PLD1: variants seen among roughly 807,000 people sequenced by gnomAD.
PLD1 encodes the protein choline phosphatase 1.
Under a neutral mutation model 137.1 loss-of-function variants are expected in PLD1, and 112 were observed. The ratio of observed to expected loss-of-function variants is 0.82; its 90% CI spans 0.70 to 0.96. The LOEUF is 0.96. Among genes scored for constraint, PLD1 ranks in the 40% least tolerant of loss-of-function variants. The pLI is 0.00. For synonymous variants in PLD1, 431 were observed against 454.7 expected, an observed-to-expected ratio of 0.95 and a Z score of 0.66; for missense variants, 1,321 against 1,342.0, an observed-to-expected ratio of 0.98 and a Z score of 0.24.
chr3:171,804,533 C>T (rs1387697149), intron 1 of PLD1, among the ~76,000 whole-genome samples: 1 of 152,186 alleles, frequency 6.6e-6, no homozygotes, highest in Non-Finnish European at 1.5e-5. Context: ...GACAAAAACA[C>T]AGTCTGTGAC....
intron 1 of PLD1, among the ~76,000 whole-genome samples, chr3:171,785,823 A>G (rs945983312): frequency 7.2e-5 from 11 of 152,242 alleles, no homozygotes; most frequent in African/African-American, 2.4e-4. Context: ...GCTAGGGGAC[A>G]ATATACTGGA....
At chr3:171,696,751 G>C (rs1229246695) in intron 12 of PLD1, among the ~76,000 whole-genome samples, 1 of 152,110 alleles carries the variant, frequency 6.6e-6, no homozygotes, top group Non-Finnish European at 1.5e-5. Flanking sequence ...TAATAATATG[G>C]TGGAATGAGA....
chr3:171,747,823 G>A (rs1402424897), intron 1 of PLD1, among the ~76,000 whole-genome samples: 1 of 152,186 alleles, frequency 6.6e-6, no homozygotes, highest in Non-Finnish European at 1.5e-5. Flanking sequence ...AGACAGGTAA[G>A]TGACTGTAAG....
chr3:171,759,720 G>A (rs1721267956), intron 1 of PLD1, among the ~76,000 whole-genome samples: 1 of 152,190 alleles, frequency 6.6e-6, no homozygotes, highest in African/African-American at 2.4e-5. Context: ...GTTTCATGTA[G>A]CATAATCAAA....
intron 23 of PLD1, among the ~76,000 whole-genome samples, chr3:171,635,965 CTTTTTTTTTTTTTTTT>C (rs71178231): frequency 3.2e-4 from 16 of 49,252 alleles, no homozygotes; most frequent in Non-Finnish European, 5.3e-4. Flanking sequence ...GGTTCAACTT[CTTTTTTTTTTTTTTTT>C]TTTTTTTTTT....
intron 1 of PLD1, among the ~76,000 whole-genome samples, chr3:171,805,179 T>C (rs1046630898): frequency 1.3e-5 from 2 of 152,214 alleles, no homozygotes; most frequent in Non-Finnish European, 2.9e-5. Flanking sequence ...TGGCTGGTTT[T>C]CTTTTGTGCG....
In PLD1 at chr3:171,732,311, A is replaced by G. The variant is rs1449317493; in HGVS notation, c.606+1133T>C. Among the ~76,000 whole-genome samples, 6 of 152,182 alleles carry G rather than the reference A, an allele frequency of 3.9e-5. No individual in the cohort carries two copies. The East Asian group carries it at 1.2e-3, about 29-fold the overall frequency. ...CTCTTGAGATCCTCTGGTGCAACCC[A>G]AATTCCTGTTTTCCTGAGAAAACCC... On this transcript the variant is annotated intron_variant, in intron 6 of 26. Coordinates refer to ENST00000351298, the MANE Select transcript of PLD1 (RefSeq NM_002662.5).
rs536287502 is a variant in PLD1, at chr3:171,802,881, G to C, written c.-32+7518C>G. On this transcript the variant is annotated intron_variant, in intron 1 of 26. Transcript: ENST00000351298. ...CAGGGTCCAGCAGCCCAGATGACCTGATTCTAAGCAAGGTACACAGGTGCC... is the reference window on the plus strand; with the variant it reads ...CAGGGTCCAGCAGCCCAGATGACCTCATTCTAAGCAAGGTACACAGGTGCC... Among the ~76,000 whole-genome samples the C allele has an allele frequency of 1.1e-4, 16 of 152,318 alleles. No individual in the cohort carries two copies. In the South Asian group the frequency reaches 2.9e-3, roughly 28 times the overall value.
At chr3:171,643,201 A>G in intron 22 of PLD1, 2 of 256,590 alleles carry the variant, frequency 7.8e-6, no homozygotes, top group South Asian at 6.4e-5. Flanking sequence ...ACTGGGTAAC[A>G]GCAAAGATAA....
At chr3:171,762,806 C>T (rs1167095566) in intron 1 of PLD1, among the ~76,000 whole-genome samples, 1 of 152,106 alleles carries the variant, frequency 6.6e-6, no homozygotes, top group Admixed American at 6.5e-5. Context: ...GCATTTGGTT[C>T]TCCATGTAGA....
chr3:171,635,099 A>C (rs1734997020), intron 23 of PLD1, among the ~76,000 whole-genome samples: 1 of 152,156 alleles, frequency 6.6e-6, no homozygotes. Flanking sequence ...AGTATATGTC[A>C]GTTCATGCCT....
At chr3:171,650,770 C>T (rs944329256) in intron 21 of PLD1, among the ~76,000 whole-genome samples, 2 of 151,908 alleles carry the variant, frequency 1.3e-5, no homozygotes, top group Non-Finnish European at 2.9e-5. Context: ...TGGTGGCGGG[C>T]GCCTGTAGTC....
chr3:171,648,932 A>G (rs187156075), intron 21 of PLD1, among the ~76,000 whole-genome samples: 4 of 152,320 alleles, frequency 2.6e-5, no homozygotes, highest in African/African-American at 7.2e-5. Flanking sequence ...CCAGTTCTTT[A>G]CTGATAGGCA....
At chr3:171,798,858 G>A (rs939994586) in intron 1 of PLD1, among the ~76,000 whole-genome samples, 2 of 152,096 alleles carry the variant, frequency 1.3e-5, no homozygotes, top group Admixed American at 6.6e-5. Flanking sequence ...AGCCATGCTG[G>A]GATGGGCCTC....
chr3:171,728,099 C>CA (rs1333677861), intron 6 of PLD1, among the ~76,000 whole-genome samples: 1 of 152,140 alleles, frequency 6.6e-6, no homozygotes, highest in Non-Finnish European at 1.5e-5. Flanking sequence ...CACTTGAGGT[C>CA]AAGAGTTCAA....
chr3:171,613,938 G>C (rs1732884246), intron 24 of PLD1, among the ~76,000 whole-genome samples: 1 of 152,184 alleles, frequency 6.6e-6, no homozygotes, highest in Non-Finnish European at 1.5e-5. Flanking sequence ...CAACTCCACT[G>C]CTTCTTCAGA....
At position 171,717,937 on chromosome 3, in the gene PLD1, G is replaced by A. The variant is rs542699545; in HGVS notation, c.759-3892C>T. Among the ~76,000 whole-genome samples, 3 of 152,288 alleles carry A rather than the reference G, an allele frequency of 2.0e-5. No homozygotes were observed. In the East Asian group the frequency reaches 5.8e-4, roughly 29 times the overall value. The stretch of plus-strand genomic sequence containing the variant: ...GTTTATTGAGGGTTGTTAAAATGAA[G>A]GATGTTGAATTCTATCAAAAGTCTT... On this transcript the variant is annotated intron_variant, in intron 8 of 26. Coordinates refer to ENST00000351298, the MANE Select transcript of PLD1 (RefSeq NM_002662.5).
chr3:171,681,269 G>A (rs1039709055), intron 16 of PLD1, among the ~76,000 whole-genome samples: 1 of 152,172 alleles, frequency 6.6e-6, no homozygotes, highest in African/African-American at 2.4e-5. Flanking sequence ...TACATTCCAG[G>A]TATTTCCTGG....
chr3:171,623,893 G>T (rs1733856764), intron 23 of PLD1, among the ~76,000 whole-genome samples: 1 of 150,258 alleles, frequency 6.7e-6, no homozygotes, highest in Non-Finnish European at 1.5e-5. Flanking sequence ...AAATGGATCA[G>T]AGATAAAAAT....
Sources: allele counts gnomAD v4.1 joint callset (sites outside exome capture counted in the v4.1 genomes callset), GRCh38; gene constraint gnomAD v4.1.1; transcripts MANE v1.5; gene names NCBI Gene and HGNC (gene_info 2026-07-23, HGNC 2026-07-21).